Variants in COL11A1 observed in about 807,000 individuals in gnomAD.
The protein encoded by COL11A1 is collagen alpha-1(XI) chain.
COL11A1 carries 74 observed loss-of-function variants against 265.2 expected under a neutral mutation model. The ratio of observed to expected loss-of-function variants is 0.28; its 90% CI spans 0.23 to 0.34. The LOEUF (loss-of-function observed/expected upper bound fraction) is 0.34, where lower values mean the gene tolerates loss of function less well. COL11A1 is among the 10% of genes least tolerant of loss of function. COL11A1 has a pLI of 1.00. For missense variants in COL11A1, 2,165 were observed against 2,263.6 expected (o/e 0.96, Z 0.88); for synonymous variants, 816 against 727.6 (o/e 1.12, Z -1.96).
chr1:103,014,955 A>G (rs192034044), intron 12 of COL11A1, among the ~76,000 whole-genome samples: 1 of 152,240 alleles, frequency 6.6e-6, no homozygotes, highest in East Asian at 1.9e-4. Context: ...AAGTTCAGTG[A>G]CAGTTACAGC....
intron 4 of COL11A1, among the ~76,000 whole-genome samples, chr1:103,073,998 A>G (rs1375018360): frequency 6.6e-6 from 1 of 152,046 alleles, no homozygotes; most frequent in South Asian, 2.1e-4. Context: ...TAATGGTGTC[A>G]GAATTCAGGT....
chr1:102,960,517 A>G (rs1660799954), intron 41 of COL11A1, among the ~76,000 whole-genome samples: 1 of 151,982 alleles, frequency 6.6e-6, no homozygotes, highest in South Asian at 2.1e-4. Flanking sequence ...AATACATGAA[A>G]TGGAGGCAAA....
At chr1:102,945,247 ACTCTCTCT>A (rs3056651) in intron 42 of COL11A1, among the ~76,000 whole-genome samples, 2,150 of 129,240 alleles carry the variant, frequency 0.017, 52 homozygotes, top group African/African-American at 0.061. Context: ...TTTTCTTTTT[ACTCTCTCT>A]CTCTCTCTCT....
intron 4 of COL11A1, among the ~76,000 whole-genome samples, chr1:103,053,336 T>G (rs1441678164): frequency 1.3e-5 from 2 of 152,130 alleles, no homozygotes; most frequent in African/African-American, 4.8e-5. Context: ...TCCCAAAATA[T>G]GGGACTTTAT....
intron 54 of COL11A1, among the ~76,000 whole-genome samples, chr1:102,901,085 C>A (rs1653131203): frequency 6.6e-6 from 1 of 151,844 alleles, no homozygotes; most frequent in Non-Finnish European, 1.5e-5. Context: ...TTTGGGAGAC[C>A]AAGGCAGGCG....
intron 47 of COL11A1, 106 bp from the exon 48 acceptor site, chr1:102,921,677 C>T: frequency 1.0e-6 from 1 of 956,350 alleles, no homozygotes; most frequent in Non-Finnish European, 1.7e-6. Context: ...CTTGTAAAAA[C>T]TATAGTTAGT....
rs141799416 is a variant in COL11A1, at chr1:103,040,278, T to C, written c.652-9034A>G. Among the ~76,000 whole-genome samples, 616 of 151,164 alleles carry C rather than the reference T, an allele frequency of 4.1e-3. 3 individuals are homozygous for C. The highest frequency in any genetic ancestry group is 0.014 in the African/African-American group (582 of 41,346). ...TATACATTTATATATATTCCAATTA[T>C]ATATATTATATATAGACAGAGTTCA... On this transcript the variant is annotated intron_variant, in intron 4 of 66. Coordinates refer to ENST00000370096, the MANE Select transcript of COL11A1 (RefSeq NM_001854.4).
rs889442382 is a variant in COL11A1 at position 102,940,291 on chromosome 1, T to C, written c.3384+36A>G. 3.3e-6 allele frequency: 5 copies of C among 1,530,828 alleles called. No homozygotes were observed. In the Admixed American group the frequency reaches 8.4e-5, roughly 26 times the overall value. The allele number at this position is 1,530,828 out of a possible 1,614,324, so 94.8% of individuals were successfully genotyped here. On this transcript the variant is annotated intron_variant, in intron 43 of 66. Transcript: ENST00000370096. Reference sequence around the variant, plus strand: ...AATTCTTGACAAAAATTAAGCTTTTTCACAGGATCTACTAACACGAATAAT... The same window carrying C: ...AATTCTTGACAAAAATTAAGCTTTTCCACAGGATCTACTAACACGAATAAT...
intron 29 of COL11A1, 52 bp from the exon 30 acceptor site, chr1:102,987,792 T>C: frequency 7.3e-7 from 1 of 1,364,666 alleles, no homozygotes; most frequent in Non-Finnish European, 1.0e-6. Context: ...TTTACAAAAA[T>C]TGTAACAGGG....
At chr1:103,002,643 T>G in intron 22 of COL11A1, 104 bp downstream of exon 22, 1 of 1,179,896 alleles carries the variant, frequency 8.5e-7, no homozygotes, top group African/African-American at 1.5e-5. Context: ...CTAATATACT[T>G]AGCAAAATGT....
chr1:102,987,058 C>G (rs1007797201), intron 30 of COL11A1, among the ~76,000 whole-genome samples: 3 of 152,064 alleles, frequency 2.0e-5, no homozygotes, highest in Non-Finnish European at 4.4e-5. Context: ...CCTTTAATCA[C>G]ACATCCTTTA....
intron 46 of COL11A1, among the ~76,000 whole-genome samples, chr1:102,933,864 C>T (rs919713716): frequency 4.6e-5 from 7 of 152,136 alleles, no homozygotes; most frequent in African/African-American, 9.7e-5. Flanking sequence ...CAGGTGAGTC[C>T]GTCACCCCTT....
At chr1:103,079,916 C>G (rs1558033930) in intron 2 of COL11A1, among the ~76,000 whole-genome samples, 1 of 151,834 alleles carries the variant, frequency 6.6e-6, no homozygotes, top group Non-Finnish European at 1.5e-5. Flanking sequence ...GGCTTGGATT[C>G]AAGTTCAAAC....
At chr1:103,017,050 T>C (rs1666624326) in intron 11 of COL11A1, among the ~76,000 whole-genome samples, 1 of 151,974 alleles carries the variant, frequency 6.6e-6, no homozygotes. Flanking sequence ...CACATAAATG[T>C]CTCCAAGAAA....
At chr1:103,094,956 G>C (rs1673627305) in intron 1 of COL11A1, among the ~76,000 whole-genome samples, 1 of 151,784 alleles carries the variant, frequency 6.6e-6, no homozygotes, top group African/African-American at 2.4e-5. Flanking sequence ...TTGATTAAGG[G>C]CAATACTACT....
intron 66 of COL11A1, 83 bp from the exon 67 acceptor site, chr1:102,878,248 G>A (rs1444202194): frequency 9.5e-6 from 12 of 1,261,212 alleles, no homozygotes; most frequent in South Asian, 1.4e-5. Context: ...GCTTCTGAGT[G>A]GAGGTAAGAA....
At chr1:102,910,676 T>A (rs1326633338) in intron 54 of COL11A1, among the ~76,000 whole-genome samples, 1 of 152,176 alleles carries the variant, frequency 6.6e-6, no homozygotes, top group African/African-American at 2.4e-5. Context: ...AGGTGATTTT[T>A]TTTTTTATTG....
At chr1:102,884,153 T>C (rs182153738) in intron 63 of COL11A1, among the ~76,000 whole-genome samples, 2 of 152,326 alleles carry the variant, frequency 1.3e-5, no homozygotes, top group African/African-American at 4.8e-5. Flanking sequence ...GCAGTTTTTC[T>C]CTGACCTCTG....
intron 47 of COL11A1, 78 bp from the exon 48 acceptor site, chr1:102,921,649 ATCT>A: frequency 8.1e-7 from 1 of 1,236,362 alleles, no homozygotes; most frequent in Middle Eastern, 1.9e-4. Context: ...TGACTGAAAA[ATCT>A]AAAAGAAGTT....
Sources: allele counts gnomAD v4.1 joint callset (sites outside exome capture counted in the v4.1 genomes callset), GRCh38; gene constraint gnomAD v4.1.1; transcripts MANE v1.5; gene names NCBI Gene and HGNC (gene_info 2026-07-23, HGNC 2026-07-21).